The following CCSER1 variants were observed in gnomAD, a reference collection of about 807,000 sequenced individuals.
CCSER1 encodes coiled-coil serine rich protein 1, also known as serine-rich coiled-coil domain-containing protein 1.
CCSER1 carries 41 observed loss-of-function variants against 82.0 expected under a neutral mutation model. The observed-to-expected ratio is 0.50, with a 90% CI of 0.39 to 0.65. CCSER1 has a LOEUF of 0.65. CCSER1 is among the 30% of genes least tolerant of loss of function. CCSER1 has a pLI of 0.00. For synonymous variants in CCSER1, 414 were observed against 383.9 expected, an observed-to-expected ratio of 1.08 and a Z score of -0.92; for missense variants, 1,119 against 1,064.2, an observed-to-expected ratio of 1.05 and a Z score of -0.72.
intron 10 of CCSER1, among the ~76,000 whole-genome samples, chr4:91,330,332 G>T (rs1010970448): frequency 1.2e-4 from 19 of 152,270 alleles, no homozygotes; most frequent in Non-Finnish European, 2.6e-4. Flanking sequence ...AAAAAATTGA[G>T]ACTAATACTC....
At chr4:91,444,251 C>G (rs759836462) in intron 10 of CCSER1, among the ~76,000 whole-genome samples, 13 of 152,076 alleles carry the variant, frequency 8.5e-5, no homozygotes, top group Non-Finnish European at 1.5e-4. Context: ...AGCTTGGTAG[C>G]CACTTAGAAC....
Position 90,279,623 on chromosome 4 carries a change from T to C in CCSER1, c.-41-28621T>C, listed in dbSNP as rs77464893. 9.9e-4 allele frequency among the ~76,000 whole-genome samples: 150 copies of C among 152,142 alleles called. 3 individuals carry two copies. The East Asian group carries it at 0.027, about 27-fold the overall frequency. ...GCTGCACTGTTTTCCAGCATTTTTT[T>C]CTCATTGTGTGCAAGTAGCTAGGAC... On this transcript the variant is annotated intron_variant, in intron 1 of 10. Coordinates refer to ENST00000509176, the MANE Select transcript of CCSER1 (RefSeq NM_001145065.2).
intron 1 of CCSER1, among the ~76,000 whole-genome samples, chr4:90,163,439 T>G (rs1729852481): frequency 6.6e-6 from 1 of 152,264 alleles, no homozygotes; most frequent in South Asian, 2.1e-4. Context: ...ATGGGAATTT[T>G]TACATTTTTA....
intron 10 of CCSER1, among the ~76,000 whole-genome samples, chr4:91,436,310 A>T: frequency 6.6e-6 from 1 of 152,198 alleles, no homozygotes; most frequent in Non-Finnish European, 1.5e-5. Flanking sequence ...CACACAGAGT[A>T]CTACATGGCA....
At chr4:91,319,860 C>A (rs1746076358) in intron 10 of CCSER1, 1 of 367,194 alleles carries the variant, frequency 2.7e-6, no homozygotes, top group South Asian at 2.0e-5. Context: ...TTTCACTATC[C>A]ACCGTTTCAC....
intron 9 of CCSER1, among the ~76,000 whole-genome samples, chr4:91,025,443 T>C (rs28580103): frequency 0.34 from 51,490 of 152,010 alleles, 10,540 homozygotes; most frequent in East Asian, 0.58. Context: ...TTAGATGATG[T>C]GCTGGCACTT....
intron 10 of CCSER1, among the ~76,000 whole-genome samples, chr4:91,342,717 G>A (rs1357184064): frequency 1.3e-5 from 2 of 152,012 alleles, no homozygotes; most frequent in Admixed American, 6.6e-5. Context: ...AACAATAAAA[G>A]TGATTCCATA....
At chr4:90,991,581 C>T (rs1737033775) in intron 9 of CCSER1, among the ~76,000 whole-genome samples, 2 of 151,998 alleles carry the variant, frequency 1.3e-5, no homozygotes, top group Non-Finnish European at 1.5e-5. Context: ...CATTCTCCTC[C>T]CTGTGTTTAC....
At chr4:91,370,779 G>A (rs1040558421) in intron 10 of CCSER1, among the ~76,000 whole-genome samples, 6 of 152,076 alleles carry the variant, frequency 3.9e-5, no homozygotes, top group African/African-American at 1.4e-4. Context: ...TTTTGACAGA[G>A]ACATAGAATG....
rs1308691963 is a variant in CCSER1 at position 90,339,079 on chromosome 4, A to G, written c.1509+26032A>G. 8.5e-5 allele frequency among the ~76,000 whole-genome samples: 13 copies of G among 152,316 alleles called. No homozygotes were observed. The South Asian group carries it at 2.7e-3, about 32-fold the overall frequency. On this transcript the variant is annotated intron_variant, in intron 3 of 10. Coordinates refer to ENST00000509176, the MANE Select transcript of CCSER1 (RefSeq NM_001145065.2). ...TTTATATATTTATAGCGTTTACAAGATGATTTTTGGGAAAAATAATTTTCT... is the reference window on the plus strand; with the variant it reads ...TTTATATATTTATAGCGTTTACAAGGTGATTTTTGGGAAAAATAATTTTCT...
chr4:91,295,728 C>G (rs1044682658), intron 10 of CCSER1, among the ~76,000 whole-genome samples: 1 of 151,864 alleles, frequency 6.6e-6, no homozygotes, highest in African/African-American at 2.4e-5. Flanking sequence ...TGTCATTATT[C>G]TAGAGAAGAG....
chr4:90,956,733 C>A (rs1023765287), intron 9 of CCSER1, among the ~76,000 whole-genome samples: 1 of 151,398 alleles, frequency 6.6e-6, no homozygotes, highest in African/African-American at 2.4e-5. Flanking sequence ...GAAGGCAGAA[C>A]TCCATCTGAT....
chr4:91,104,294 G>A (rs1019599755), intron 10 of CCSER1, among the ~76,000 whole-genome samples: 11 of 152,176 alleles, frequency 7.2e-5, no homozygotes, highest in African/African-American at 2.2e-4. Flanking sequence ...TTTGAAGCAT[G>A]TGATATTTGT....
At chr4:90,395,526 G>A (rs1751821897) in intron 3 of CCSER1, among the ~76,000 whole-genome samples, 1 of 152,014 alleles carries the variant, frequency 6.6e-6, no homozygotes, top group African/African-American at 2.4e-5. Context: ...AAAATTCTGA[G>A]TTGTCAACTA....
At chr4:90,440,787 CTG>C (rs1400395872) in intron 4 of CCSER1, among the ~76,000 whole-genome samples, 16 of 152,212 alleles carry the variant, frequency 1.1e-4, no homozygotes, top group African/African-American at 3.9e-4. Context: ...TTAAATTTCT[CTG>C]TGAATATCTT....
At chr4:90,294,367 A>G (rs191656767) in intron 1 of CCSER1, among the ~76,000 whole-genome samples, 1 of 151,976 alleles carries the variant, frequency 6.6e-6, no homozygotes, top group Admixed American at 6.6e-5. Flanking sequence ...AAAAAAATAC[A>G]AAGTCTTTAT....
At chr4:90,409,024 G>A (rs1253780978) in intron 4 of CCSER1, among the ~76,000 whole-genome samples, 6 of 152,146 alleles carry the variant, frequency 3.9e-5, no homozygotes, top group African/African-American at 1.2e-4. Context: ...GGAAGAAAGG[G>A]TATCAGTGAT....
At chr4:91,528,710 C>T (rs1760887583) in intron 10 of CCSER1, among the ~76,000 whole-genome samples, 1 of 151,992 alleles carries the variant, frequency 6.6e-6, no homozygotes, top group African/African-American at 2.4e-5. Flanking sequence ...TGTAGTAACC[C>T]ACTCCATGCT....
At chr4:91,418,907 G>A (rs1347489973) in intron 10 of CCSER1, among the ~76,000 whole-genome samples, 1 of 151,872 alleles carries the variant, frequency 6.6e-6, no homozygotes, top group Non-Finnish European at 1.5e-5. Flanking sequence ...TGATCAAGTA[G>A]GATTTATCCA....
Sources: gnomAD v4.1 joint callset for allele counts (sites outside exome capture counted in the v4.1 genomes callset) on GRCh38, gnomAD v4.1.1 for gene constraint, MANE v1.5 for transcripts, NCBI Gene and HGNC (gene_info 2026-07-23, HGNC 2026-07-21) for gene names.